The following EIF5 variants were observed in gnomAD, a reference collection of about 807,000 sequenced individuals.
The protein encoded by EIF5 is eukaryotic translation initiation factor 5.
EIF5 carries 10 observed loss-of-function variants against 48.3 expected under a neutral mutation model. The ratio of observed to expected loss-of-function variants is 0.21; its 90% CI spans 0.13 to 0.35. The LOEUF is 0.35. Ranked by LOEUF, EIF5 falls within the 10% of genes least tolerant of loss-of-function variation. The pLI is 1.00. For synonymous variants in EIF5, 237 were observed against 173.1 expected (o/e 1.37, Z -2.90); for missense variants, 397 against 533.2 (o/e 0.74, Z 2.51).
chr14:103,336,157 A>T (rs778248116), intron 4 of EIF5, 40 bp downstream of exon 4: 1 of 1,588,266 alleles, frequency 6.3e-7, no homozygotes, highest in East Asian at 2.2e-5. Context: ...CATATTATGG[A>T]TAGAGTCTTC....
chr14:103,338,135 A>C, intron 6 of EIF5, 192 bp from the exon 7 acceptor site: 1 of 810,206 alleles, frequency 1.2e-6, no homozygotes, highest in South Asian at 1.7e-5. Context: ...CTCCATTCTT[A>C]GACTAACATT....
At position 103,335,829 on chromosome 14, in the gene EIF5, C is replaced by T. The variant is rs758453272; in HGVS notation, c.-32C>T. On this transcript the variant is annotated 5_prime_UTR_variant, in exon 3 of 12. Transcript: ENST00000216554. Reference sequence around the variant, plus strand: ...AAAAAGTTGCAATCAAAGATCTCTTCATCTTATTGATAAAGCCACTAATAA... The same window carrying T: ...AAAAAGTTGCAATCAAAGATCTCTTTATCTTATTGATAAAGCCACTAATAA... The T allele has an allele frequency of 6.2e-6, 10 of 1,610,066 alleles. No individual in the cohort carries two copies. In the African/African-American group the frequency reaches 8.0e-5, roughly 13 times the overall value.
chr14:103,339,035 C>T (rs1253719534), intron 8 of EIF5, 137 bp from the exon 9 acceptor site: 30 of 1,470,336 alleles, frequency 2.0e-5, no homozygotes, highest in Middle Eastern at 1.8e-4. Context: ...ATTTTTTGCG[C>T]GTGATTCCAG....
intron 11 of EIF5, 45 bp from the exon 12 acceptor site, chr14:103,340,918 A>G: frequency 1.3e-6 from 2 of 1,575,024 alleles, no homozygotes; most frequent in African/African-American, 2.7e-5. Flanking sequence ...TGTTTTATAA[A>G]CAGATTTATC....
chr14:103,339,566 C>A, intron 9 of EIF5, 73 bp from the exon 10 acceptor site: 1 of 1,601,568 alleles, frequency 6.2e-7, no homozygotes, highest in Admixed American at 1.7e-5. Context: ...TGCAGACACT[C>A]TTATTTGGGT....
At position 103,342,730 on chromosome 14, in the gene EIF5, G is replaced by A. The variant is rs1379895400; in HGVS notation, c.*1678G>A. On this transcript the variant is annotated 3_prime_UTR_variant, in exon 12 of 12. Transcript: ENST00000216554. ...TGATCAAGATTCGGGTGCAAGTGGAGCAGGAGCCATATACCTGGAGGGAAT... is the reference window on the plus strand; with the variant it reads ...TGATCAAGATTCGGGTGCAAGTGGAACAGGAGCCATATACCTGGAGGGAAT... 3 of 152,662 alleles carry A rather than the reference G, an allele frequency of 2.0e-5. No homozygotes were observed. Among genetic ancestry groups the A allele is most frequent in the Admixed American group, 2.0e-4 (3 of 15,286 alleles). The allele number at this position is 152,662 out of a possible 1,614,324, so 9.5% of individuals were successfully genotyped here.
Position 103,338,321 on chromosome 14 carries a change from C to G in EIF5, c.440-6C>G. The G allele has an allele frequency of 6.2e-7, 1 of 1,603,894 alleles. No individual in the cohort carries two copies. Among genetic ancestry groups the G allele is most frequent in the Non-Finnish European group, 8.5e-7 (1 of 1,176,972 alleles). The stretch of plus-strand genomic sequence containing the variant: ...GTTAAATTTTTATTTCCCTTTTTTT[C>G]TGTAGAGAATAGTGACAGTGGTACA... On this transcript the variant is annotated splice_region_variant and splice_polypyrimidine_tract_variant and intron_variant, in intron 6 of 11. Transcript: ENST00000216554.
Position 103,335,963 on chromosome 14 carries a change from G to T in EIF5, c.72+31G>T, listed in dbSNP as rs370801904. ...AAACTGCTCTTCAATTTAGTTGATA[G>T]CTCTTTTTGTAGAATTTTGAAGTTT... On this transcript the variant is annotated intron_variant, in intron 3 of 11. Transcript: ENST00000216554. The T allele has an allele frequency of 6.2e-6, 10 of 1,613,886 alleles. No individual in the cohort carries two copies. In the East Asian group the frequency reaches 6.7e-5, roughly 11 times the overall value.
rs2089319890 is a variant in EIF5 at position 103,338,857 on chromosome 14, T to G, written c.708T>G (p.Ile236Met). Residue 236 changes from isoleucine (I) to methionine (M), a missense_variant, in exon 8 of 12, where the codon ATT (isoleucine) becomes ATG (methionine). Physicochemically the swap from Ile to Met is conservative, Grantham distance 10. Transcript: ENST00000216554. The stretch of plus-strand genomic sequence containing the variant: ...TCAGTGATGATTTGGAAAGAACAAT[T>G]GAGGAGAGGGTCAATATCCTCTTTG... ...LTLSDDLERT[I>M]EERVNILFDF... The G allele has an allele frequency of 1.9e-6, 3 of 1,614,060 alleles. No individual in the cohort carries two copies. The highest frequency in any genetic ancestry group is 3.3e-5 in the Admixed American group (2 of 59,998).
Position 103,338,357 on chromosome 14 carries a change from AAAAAG to A in EIF5, c.480_484del (p.Lys161GlnfsTer15), listed in dbSNP as rs1292481079. ...AGTGACAGTGGTACAGGAAAGAAAG[AAAAAG>A]AAAAGAAAAACAGAAAGGGCAAAGA... is the stretch of plus-strand genomic sequence containing the variant. On this transcript the variant is annotated frameshift_variant, in exon 7 of 12. Transcript: ENST00000216554. LOFTEE classifies it high-confidence loss of function. 1 of 1,614,046 alleles carries A rather than the reference AAAAAG, an allele frequency of 6.2e-7. No individual in the cohort carries two copies. The highest frequency in any genetic ancestry group is 8.5e-7 in the Non-Finnish European group (1 of 1,180,010).
intron 10 of EIF5, among the ~76,000 whole-genome samples, chr14:103,340,015 T>C (rs1374105098): frequency 6.6e-6 from 1 of 152,090 alleles, no homozygotes; most frequent in Non-Finnish European, 1.5e-5. Context: ...CCTGCGATCA[T>C]GCCCAGCTAA....
At chr14:103,340,879 C>T (rs1566723472) in intron 11 of EIF5, 84 bp from the exon 12 acceptor site, 4 of 1,397,578 alleles carry the variant, frequency 2.9e-6, no homozygotes, top group South Asian at 2.4e-5. Flanking sequence ...AGGCAGTTTC[C>T]TCCTCTGTGA....
At chr14:103,336,982 C>T in intron 5 of EIF5, 133 bp downstream of exon 5, 3 of 1,383,828 alleles carry the variant, frequency 2.2e-6, no homozygotes, top group Non-Finnish European at 2.9e-6. Flanking sequence ...CGAGATATTT[C>T]CATTCTTTTT....
Position 103,338,274 on chromosome 14 carries a change from A to G in EIF5, c.440-53A>G. ...GGGTTTTAAACGTTAATGATGGGCA[A>G]TGAGGTAATGTAAGTTATGGGGTTA... On this transcript the variant is annotated intron_variant, in intron 6 of 11. Transcript: ENST00000216554. The G allele has an allele frequency of 3.1e-6, 5 of 1,589,108 alleles. No homozygotes were observed. In the Admixed American group the frequency reaches 5.4e-5, roughly 17 times the overall value.
In EIF5 at chr14:103,340,470, G is replaced by A. The variant is rs2089340215; in HGVS notation, c.1115G>A (p.Arg372His). The stretch of plus-strand genomic sequence containing the variant: ...TCCAAAGAACTTGCCAAAGAGATTC[G>A]TGTCAAAGCAGAACCATTTATAAAA... ...YVSKELAKEIRVKAEPFIKWL... is the reference protein window; with the variant it reads ...YVSKELAKEIHVKAEPFIKWL... The change falls in exon 11 of 12, where the codon CGT becomes CAT. Residue 372 changes from arginine (R) to histidine (H), a missense_variant. Physicochemically the swap from Arg to His is conservative, Grantham distance 29. Transcript: ENST00000216554. 6 of 1,609,808 alleles carry A rather than the reference G, an allele frequency of 3.7e-6. No individual in the cohort carries two copies. The highest frequency in any genetic ancestry group is 5.1e-6 in the Non-Finnish European group (6 of 1,176,282).
chr14:103,340,888 G>T, intron 11 of EIF5, 75 bp from the exon 12 acceptor site: 1 of 1,480,908 alleles, frequency 6.8e-7, no homozygotes, highest in South Asian at 1.1e-5. Context: ...CCTCCTCTGT[G>T]ACCACAATTT....
intron 10 of EIF5, 111 bp downstream of exon 10, chr14:103,339,914 A>G (rs1595365152): frequency 4.0e-6 from 5 of 1,264,938 alleles, no homozygotes; most frequent in East Asian, 2.5e-5. Context: ...GCAGGAGTAC[A>G]GTGGTATGAT....
intron 9 of EIF5, 113 bp from the exon 10 acceptor site, chr14:103,339,526 T>A: frequency 6.6e-7 from 1 of 1,517,046 alleles, no homozygotes; most frequent in Non-Finnish European, 9.0e-7. Flanking sequence ...CATTGACCTT[T>A]TTGAACAACT....
rs1254758154 is a variant in EIF5 at position 103,336,133 on chromosome 14, A to G, written c.154+16A>G. Reference sequence around the variant, plus strand: ...CCTCCAACGTGTAAGTAAAGCTTGGAAAAGTCCACAGGGCATATTATGGAT... The same window carrying G: ...CCTCCAACGTGTAAGTAAAGCTTGGGAAAGTCCACAGGGCATATTATGGAT... On this transcript the variant is annotated intron_variant, in intron 4 of 11. Coordinates refer to ENST00000216554, the MANE Select transcript of EIF5 (RefSeq NM_001969.5). 1.9e-6 allele frequency: 3 copies of G among 1,612,806 alleles called. No individual in the cohort carries two copies. The highest frequency in any genetic ancestry group is 1.3e-5 in the African/African-American group (1 of 74,858).
Sources: allele counts gnomAD v4.1 joint callset (sites outside exome capture counted in the v4.1 genomes callset), GRCh38; gene constraint gnomAD v4.1.1; transcripts MANE v1.5; gene names NCBI Gene and HGNC (gene_info 2026-07-23, HGNC 2026-07-21).